The following CTNNA3 variants were observed in gnomAD, a reference collection of about 807,000 sequenced individuals.
CTNNA3 encodes catenin alpha-3.
CTNNA3 carries 76 observed loss-of-function variants against 95.7 expected under a neutral mutation model. The ratio of observed to expected loss-of-function variants is 0.79; its 90% CI spans 0.66 to 0.96. The LOEUF (loss-of-function observed/expected upper bound fraction) is 0.96, where lower values mean the gene tolerates loss of function less well. CTNNA3 is among the 40% of genes least tolerant of loss of function. CTNNA3 has a pLI of 0.00. For synonymous variants in CTNNA3, 431 were observed against 374.4 expected (o/e 1.15, Z -1.74); for missense variants, 1,191 against 1,089.8 (o/e 1.09, Z -1.31).
At chr10:66,164,181 T>C (rs2085001905) in intron 13 of CTNNA3, among the ~76,000 whole-genome samples, 1 of 152,168 alleles carries the variant, frequency 6.6e-6, no homozygotes, top group African/African-American at 2.4e-5. Context: ...AAATTAAATA[T>C]TTTTTTCTAA....
chr10:66,506,033 T>G (rs1485745165), intron 11 of CTNNA3, among the ~76,000 whole-genome samples: 1 of 152,118 alleles, frequency 6.6e-6, no homozygotes, highest in East Asian at 1.9e-4. Context: ...CTGCTTCCAC[T>G]CATGGCAGAA....
chr10:66,537,444 A>C (rs540276983), intron 10 of CTNNA3, among the ~76,000 whole-genome samples: 1 of 152,244 alleles, frequency 6.6e-6, no homozygotes, highest in African/African-American at 2.4e-5. Flanking sequence ...CATTGAAATT[A>C]GACTTTTCTT....
chr10:65,914,242 G>A lies in CTNNA3; in HGVS notation c.*6088C>T, dbSNP rs1278984234. ...TCCTTGAGGGCTTTCCTTTCCTACA[G>A]TTGGGAATAGGCACCATCATGACTA... On this transcript the variant is annotated 3_prime_UTR_variant, in exon 18 of 18. Coordinates refer to ENST00000433211, the MANE Select transcript of CTNNA3 (RefSeq NM_013266.4). 3 of 152,086 alleles carry A rather than the reference G, an allele frequency of 2.0e-5. No homozygotes were observed. Among genetic ancestry groups the A allele is most frequent in the Non-Finnish European group, 4.4e-5 (3 of 68,014 alleles). The allele number at this position is 152,086 out of a possible 1,614,324, so 9.4% of individuals were successfully genotyped here.
At chr10:66,615,393 T>C (rs77233768) in intron 10 of CTNNA3, among the ~76,000 whole-genome samples, 5,073 of 152,054 alleles carry the variant, frequency 0.033, 107 homozygotes, top group African/African-American at 0.06. Flanking sequence ...ACTTATACTG[T>C]TAAGTCACCT....
chr10:66,223,319 A>C (rs1284209152), intron 13 of CTNNA3, among the ~76,000 whole-genome samples: 1 of 152,114 alleles, frequency 6.6e-6, no homozygotes, highest in Non-Finnish European at 1.5e-5. Context: ...GTTACTTATG[A>C]AAATTAAGTA....
At chr10:67,552,188 G>A (rs913375396) in intron 3 of CTNNA3, among the ~76,000 whole-genome samples, 7 of 152,060 alleles carry the variant, frequency 4.6e-5, no homozygotes, top group African/African-American at 1.4e-4. Context: ...AATACAATAC[G>A]ACAATTCAAG....
intron 11 of CTNNA3, among the ~76,000 whole-genome samples, chr10:66,426,081 G>A (rs1162901316): frequency 6.6e-6 from 1 of 151,824 alleles, no homozygotes; most frequent in African/African-American, 2.4e-5. Flanking sequence ...TCATTGTTTT[G>A]TAGTATTCCA....
At chr10:65,929,238 G>T (rs1296615193) in intron 17 of CTNNA3, among the ~76,000 whole-genome samples, 1 of 151,490 alleles carries the variant, frequency 6.6e-6, no homozygotes, top group Non-Finnish European at 1.5e-5. Context: ...GTTTTCCATG[G>T]TGTATATGTG....
intron 3 of CTNNA3, among the ~76,000 whole-genome samples, chr10:67,600,302 G>A (rs535883220): frequency 1.3e-5 from 2 of 152,030 alleles, no homozygotes; most frequent in East Asian, 3.9e-4. Context: ...CTTTGAAGTA[G>A]TTATGTTAAC....
At chr10:65,980,997 A>G (rs2078309748) in intron 16 of CTNNA3, among the ~76,000 whole-genome samples, 1 of 152,086 alleles carries the variant, frequency 6.6e-6, no homozygotes, top group African/African-American at 2.4e-5. Flanking sequence ...AGCCATTGCA[A>G]TCAGACAAGA....
chr10:66,453,501 G>C (rs915366964), intron 11 of CTNNA3, among the ~76,000 whole-genome samples: 3 of 152,250 alleles, frequency 2.0e-5, no homozygotes, highest in Admixed American at 1.3e-4. Context: ...TCAGAAGTAG[G>C]AAGATGAGGG....
chr10:67,560,650 A>C (rs1363085218), intron 3 of CTNNA3, among the ~76,000 whole-genome samples: 1 of 152,212 alleles, frequency 6.6e-6, no homozygotes, highest in Non-Finnish European at 1.5e-5. Flanking sequence ...TTAACTTTAA[A>C]TGTAAATGGA....
intron 10 of CTNNA3, among the ~76,000 whole-genome samples, chr10:66,535,170 A>C (rs577522522): frequency 1.1e-4 from 17 of 152,180 alleles, no homozygotes; most frequent in Middle Eastern, 3.4e-3. Flanking sequence ...GAAAAAAAAA[A>C]CCCTGAATTA....
At chr10:67,661,618 T>C (rs1230467936) in intron 1 of CTNNA3, among the ~76,000 whole-genome samples, 1 of 152,184 alleles carries the variant, frequency 6.6e-6, no homozygotes, top group Non-Finnish European at 1.5e-5. Context: ...ACAAAGTATT[T>C]TGAAAATCTA....
At chr10:66,038,758 G>A (rs986433655) in intron 15 of CTNNA3, among the ~76,000 whole-genome samples, 2 of 152,110 alleles carry the variant, frequency 1.3e-5, no homozygotes, top group African/African-American at 2.4e-5. Context: ...AATAATAAGA[G>A]CCATCATGGC....
At chr10:66,410,405 T>C (rs1178092182) in intron 11 of CTNNA3, among the ~76,000 whole-genome samples, 1 of 152,188 alleles carries the variant, frequency 6.6e-6, no homozygotes, top group Non-Finnish European at 1.5e-5. Flanking sequence ...AAGGGGCATT[T>C]ATTTGGTGAA....
At chr10:66,742,782 G>A (rs577789104) in intron 9 of CTNNA3, among the ~76,000 whole-genome samples, 5 of 152,196 alleles carry the variant, frequency 3.3e-5, no homozygotes, top group South Asian at 4.2e-4. Flanking sequence ...AAGACAAAGC[G>A]TCCTCTTCTG....
At chr10:66,106,337 T>TTGTGTGTGTGTGTGTGTGTGTGTGTGTG (rs201326026) in intron 13 of CTNNA3, among the ~76,000 whole-genome samples, 1 of 145,440 alleles carries the variant, frequency 6.9e-6, no homozygotes, top group Non-Finnish European at 1.5e-5. Flanking sequence ...GTGTGTGTGT[T>TTGTGTGTGTGTGTGTGTGTGTGTGTGTG]TGTGTGTGTG....
intron 2 of CTNNA3, among the ~76,000 whole-genome samples, chr10:67,624,525 CCT>C (rs1843962307): frequency 6.6e-6 from 1 of 152,166 alleles, no homozygotes; most frequent in African/African-American, 2.4e-5. Context: ...CTACTATTCC[CCT>C]GTGTTATGCA....
Sources: gnomAD v4.1 joint callset for allele counts (sites outside exome capture counted in the v4.1 genomes callset) on GRCh38, gnomAD v4.1.1 for gene constraint, MANE v1.5 for transcripts, NCBI Gene and HGNC (gene_info 2026-07-23, HGNC 2026-07-21) for gene names.